The following GLRA2 variants were observed in gnomAD, a reference collection of about 807,000 sequenced individuals.
GLRA2 encodes the protein glycine receptor subunit alpha-2.
In GLRA2, 11 loss-of-function variants were observed where a neutral mutation model predicts 31.6. The ratio of observed to expected loss-of-function variants is 0.35; its 90% CI spans 0.22 to 0.58. The LOEUF is 0.58. Among genes scored for constraint, GLRA2 ranks in the 20% least tolerant of loss-of-function variants. The pLI, the probability that GLRA2 is intolerant of heterozygous loss-of-function variation, is 0.84. For missense variants in GLRA2, 212 were observed against 351.8 expected, an observed-to-expected ratio of 0.60 and a Z score of 3.18; for synonymous variants, 132 against 134.0, an observed-to-expected ratio of 0.99 and a Z score of 0.10.
At chrX:14,556,861 C>A (rs2089649106) in intron 2 of GLRA2, among the ~76,000 whole-genome samples, 1 of 110,803 alleles carries the variant, frequency 9.0e-6, no homozygotes, top group South Asian at 3.7e-4. Context: ...GCCTGATTTT[C>A]TTTTATTTAG....
chrX:14,688,604 C>G (rs1054029248), intron 7 of GLRA2, among the ~76,000 whole-genome samples: 1 of 111,606 alleles, frequency 9.0e-6, no homozygotes, highest in African/African-American at 3.3e-5. Flanking sequence ...CCGAGCCAGG[C>G]GCAGGATATA....
At chrX:14,561,345 T>C (rs1261822664) in intron 2 of GLRA2, among the ~76,000 whole-genome samples, 13 of 112,658 alleles carry the variant, frequency 1.2e-4, no homozygotes, top group Non-Finnish European at 1.9e-4. Flanking sequence ...TAATAATTCC[T>C]GTTGTTCTCT....
chrX:14,517,793 A>G, the GLRA2 span, among the ~76,000 whole-genome samples: 1,001 of 111,695 alleles, frequency 9.0e-3, 8 homozygotes, highest in Admixed American at 0.02. Flanking sequence ...AAAAAGATGA[A>G]TAAATGTTAC....
chrX:14,525,300 G>A (rs901406282), upstream of GLRA2, among the ~76,000 whole-genome samples: 5 of 111,200 alleles, frequency 4.5e-5, no homozygotes, highest in Non-Finnish European at 9.4e-5. Context: ...TGGTAAGTTA[G>A]AGGCATAGGA....
chrX:14,625,825 A>G (rs928409548), intron 7 of GLRA2, among the ~76,000 whole-genome samples: 2 of 111,490 alleles, frequency 1.8e-5, no homozygotes, highest in African/African-American at 3.3e-5. Flanking sequence ...TGTTTTCACT[A>G]TGTTTACTAT....
the GLRA2 span, among the ~76,000 whole-genome samples, chrX:14,465,865 C>T: frequency 8.9e-6 from 1 of 111,897 alleles, no homozygotes; most frequent in Non-Finnish European, 1.9e-5. Flanking sequence ...AGTACAAATA[C>T]GCTGTATGGG....
rs775458367 is a variant in GLRA2, at chrX:14,602,650, G to A, written c.495-1665G>A. The stretch of plus-strand genomic sequence containing the variant: ...TATGCCTTTGCATCCTCATAGCTTA[G>A]CTCCCACTTATGAGTGAGAACATGT... On this transcript the variant is annotated intron_variant, in intron 4 of 8. Transcript: ENST00000218075. Among the ~76,000 whole-genome samples, 5 of 111,159 alleles carry A rather than the reference G, an allele frequency of 4.5e-5. No individual in the cohort carries two copies. In the South Asian group the frequency reaches 1.9e-3, roughly 42 times the overall value.
intron 7 of GLRA2, among the ~76,000 whole-genome samples, chrX:14,609,621 A>G (rs922355993): frequency 7.2e-5 from 8 of 111,783 alleles, no homozygotes; most frequent in African/African-American, 2.6e-4. Context: ...CATTTATAGT[A>G]ATAAAAATTT....
chrX:14,505,722 G>A, the GLRA2 span, among the ~76,000 whole-genome samples: 1 of 111,527 alleles, frequency 9.0e-6, no homozygotes, highest in Non-Finnish European at 1.9e-5. Context: ...GAAAGCAGCA[G>A]AACATTTTTT....
the GLRA2 span, among the ~76,000 whole-genome samples, chrX:14,496,978 C>T: frequency 1.5e-4 from 17 of 111,706 alleles, no homozygotes; most frequent in Non-Finnish European, 3.8e-5. Flanking sequence ...TTTCATTGTA[C>T]ACATGTTAAA....
At chrX:14,479,610 A>T in the GLRA2 span, among the ~76,000 whole-genome samples, 1 of 110,856 alleles carries the variant, frequency 9.0e-6, no homozygotes, top group Non-Finnish European at 1.9e-5. Flanking sequence ...TTTACTTCCC[A>T]CTTTTAAGTG....
chrX:14,567,853 GA>G (rs908080224), intron 2 of GLRA2, among the ~76,000 whole-genome samples: 1 of 111,256 alleles, frequency 9.0e-6, no homozygotes, highest in Non-Finnish European at 1.9e-5. Flanking sequence ...AAGAAAGTTA[GA>G]AAAAAAGCAC....
rs1309448202 is a variant in GLRA2 at position 14,731,784 on chromosome X, A to C, written c.*1299A>C. 8.9e-6 allele frequency: 1 copy of C among 112,107 alleles called. No individual in the cohort carries two copies. The highest frequency in any genetic ancestry group is 1.9e-5 in the Non-Finnish European group (1 of 53,258). The allele number at this position is 112,107 out of a possible 1,213,427, so 9.2% of individuals were successfully genotyped here. On this transcript the variant is annotated 3_prime_UTR_variant, in exon 9 of 9. Coordinates refer to ENST00000218075, the MANE Select transcript of GLRA2 (RefSeq NM_002063.4). ...GGGTTATTTTAAAAAGCATTTGTTC[A>C]ATTTCAATAAAGCTAAGTGTGCCGC...
At chrX:14,515,549 TC>T in the GLRA2 span, among the ~76,000 whole-genome samples, 4 of 112,193 alleles carry the variant, frequency 3.6e-5, no homozygotes, top group African/African-American at 1.3e-4. Flanking sequence ...CTTTGATGTT[TC>T]CAAATTATTT....
the GLRA2 span, among the ~76,000 whole-genome samples, chrX:14,465,277 T>C: frequency 8.9e-6 from 1 of 112,152 alleles, no homozygotes; most frequent in East Asian, 2.8e-4. Flanking sequence ...AGAGCAATGC[T>C]GCTGATTTTT....
At chrX:14,658,438 T>C (rs751937154) in intron 7 of GLRA2, among the ~76,000 whole-genome samples, 18 of 111,982 alleles carry the variant, frequency 1.6e-4, no homozygotes, top group African/African-American at 5.2e-4. Context: ...ACAACACTTC[T>C]GATAATCTTT....
At chrX:14,658,169 A>G (rs1392728802) in intron 7 of GLRA2, among the ~76,000 whole-genome samples, 1 of 111,295 alleles carries the variant, frequency 9.0e-6, no homozygotes, top group African/African-American at 3.3e-5. Flanking sequence ...TCTACTCTCA[A>G]TGAAACTTTC....
At chrX:14,702,307 T>C (rs1387661332) in intron 8 of GLRA2, among the ~76,000 whole-genome samples, 1 of 111,724 alleles carries the variant, frequency 9.0e-6, no homozygotes, top group Middle Eastern at 4.3e-3. Flanking sequence ...TCACTCTATA[T>C]AGAAAGGATC....
rs999315281 is a variant in GLRA2, at chrX:14,582,826, T to G, written c.494+1420T>G. ...ATTGCCTCTGTTGCAACTACTCAAC[T>G]CTATCATTATAGCTCAAAAGCAGCC... On this transcript the variant is annotated intron_variant, in intron 4 of 8. Coordinates refer to ENST00000218075, the MANE Select transcript of GLRA2 (RefSeq NM_002063.4). Among the ~76,000 whole-genome samples, 10 of 112,061 alleles carry G rather than the reference T, an allele frequency of 8.9e-5. No homozygotes were observed. In the East Asian group the frequency reaches 2.2e-3, roughly 25 times the overall value.
Sources: gnomAD v4.1 joint callset for allele counts (sites outside exome capture counted in the v4.1 genomes callset) on GRCh38, gnomAD v4.1.1 for gene constraint, MANE v1.5 for transcripts, NCBI Gene and HGNC (gene_info 2026-07-23, HGNC 2026-07-21) for gene names.